The following DNAH7 variants were observed in gnomAD, a reference collection of about 807,000 sequenced individuals.
The protein encoded by DNAH7 is dynein axonemal heavy chain 7.
Under a neutral mutation model 444.6 loss-of-function variants are expected in DNAH7, and 397 were observed. The ratio of observed to expected loss-of-function variants is 0.89; its 90% CI spans 0.82 to 0.97. The LOEUF (loss-of-function observed/expected upper bound fraction) is 0.97. Among genes scored for constraint, DNAH7 ranks in the 50% least tolerant of loss-of-function variants. The pLI is 0.00. For synonymous variants in DNAH7, 1,636 were observed against 1,624.4 expected (o/e 1.01, Z -0.17); for missense variants, 4,902 against 4,800.8 (o/e 1.02, Z -0.62).
At chr2:195,968,441 C>T (rs1056632995) in intron 17 of DNAH7, among the ~76,000 whole-genome samples, 1 of 152,092 alleles carries the variant, frequency 6.6e-6, no homozygotes, top group African/African-American at 2.4e-5. Flanking sequence ...AAATGGGGGC[C>T]TCACAACCCT....
intron 17 of DNAH7, among the ~76,000 whole-genome samples, chr2:195,965,138 T>G (rs749589191): frequency 7.2e-5 from 11 of 152,168 alleles, no homozygotes; most frequent in Non-Finnish European, 1.2e-4. Context: ...TTGAGGTATG[T>G]TCCTTCAATA....
chr2:195,768,820 T>G (rs910342059), intron 61 of DNAH7, among the ~76,000 whole-genome samples: 1 of 152,196 alleles, frequency 6.6e-6, no homozygotes, highest in African/African-American at 2.4e-5. Flanking sequence ...TACAAATATA[T>G]AGGTTCAACA....
chr2:195,822,941 AT>A (rs1697541189), intron 49 of DNAH7, among the ~76,000 whole-genome samples: 1 of 152,184 alleles, frequency 6.6e-6, no homozygotes, highest in Non-Finnish European at 1.5e-5. Context: ...TATTGGCTTT[AT>A]TCTAAGCATC....
chr2:195,760,113 G>A (rs1694280409), intron 61 of DNAH7, among the ~76,000 whole-genome samples: 1 of 152,210 alleles, frequency 6.6e-6, no homozygotes. Flanking sequence ...ATCAGCAGTA[G>A]CCCGGCAGTA....
intron 46 of DNAH7, among the ~76,000 whole-genome samples, chr2:195,849,900 G>A (rs952313354): frequency 7.2e-5 from 11 of 152,212 alleles, no homozygotes; most frequent in African/African-American, 2.7e-4. Context: ...ACCTCACCCA[G>A]CACTACTGGC....
chr2:196,009,556 G>A (rs548346652), intron 10 of DNAH7, among the ~76,000 whole-genome samples: 1 of 152,274 alleles, frequency 6.6e-6, no homozygotes, highest in African/African-American at 2.4e-5. Flanking sequence ...TGAGATTCAG[G>A]TGCTGACGTG....
intron 8 of DNAH7, among the ~76,000 whole-genome samples, chr2:196,020,062 T>C (rs1181579295): frequency 1.3e-5 from 2 of 152,100 alleles, no homozygotes; most frequent in Non-Finnish European, 2.9e-5. Context: ...GATCCACTTC[T>C]ACTTTATGAA....
chr2:196,026,613 TA>T, intron 7 of DNAH7, 146 bp downstream of exon 7: 1 of 597,782 alleles, frequency 1.7e-6, no homozygotes, highest in Non-Finnish European at 2.8e-6. Context: ...GGAATTTGCC[TA>T]AGATCTTAAG....
Position 195,799,567 on chromosome 2 carries a change from C to T in DNAH7, c.10177-95G>A, listed in dbSNP as rs1379290035. 6 of 1,116,854 alleles carry T rather than the reference C, an allele frequency of 5.4e-6. No homozygotes were observed. The East Asian group carries it at 1.3e-4, about 25-fold the overall frequency. The allele number at this position is 1,116,854 out of a possible 1,614,324, so 69.2% of individuals were successfully genotyped here. On this transcript the variant is annotated intron_variant, in intron 54 of 64. Transcript: ENST00000312428. The stretch of plus-strand genomic sequence containing the variant: ...CAAAGGAGTTTTAAAACAAAATACC[C>T]TAGCTCTATTAGTTTAGGTATTCAT...
chr2:195,965,886 T>C (rs899649242), intron 17 of DNAH7, among the ~76,000 whole-genome samples: 2 of 152,098 alleles, frequency 1.3e-5, no homozygotes, highest in African/African-American at 4.8e-5. Context: ...TAAAGGTTTA[T>C]CAATTTTATT....
intron 2 of DNAH7, among the ~76,000 whole-genome samples, chr2:196,055,793 C>G (rs1344457219): frequency 6.6e-6 from 1 of 152,080 alleles, no homozygotes; most frequent in Non-Finnish European, 1.5e-5. Flanking sequence ...TACAAATATC[C>G]AAAACACCCT....
At chr2:195,938,363 C>T (rs1403676984) in intron 19 of DNAH7, among the ~76,000 whole-genome samples, 1 of 151,582 alleles carries the variant, frequency 6.6e-6, no homozygotes, top group Non-Finnish European at 1.5e-5. Context: ...CACACACACA[C>T]ACACACACAC....
chr2:196,029,924 C>T (rs1221918472), intron 5 of DNAH7, among the ~76,000 whole-genome samples: 1 of 151,818 alleles, frequency 6.6e-6, no homozygotes. Context: ...ATGAGCATCC[C>T]TTTTTTAAAT....
At chr2:195,816,046 T>C (rs1319254364) in intron 51 of DNAH7, among the ~76,000 whole-genome samples, 3 of 152,176 alleles carry the variant, frequency 2.0e-5, no homozygotes, top group Non-Finnish European at 2.9e-5. Context: ...GAAAATTATC[T>C]AACTGATTTT....
At chr2:196,007,128 A>G (rs1449106509) in intron 10 of DNAH7, among the ~76,000 whole-genome samples, 1 of 152,182 alleles carries the variant, frequency 6.6e-6, no homozygotes, top group Non-Finnish European at 1.5e-5. Context: ...GACTCAGAAC[A>G]ACAACAATTT....
chr2:195,863,027 A>C (rs896208401), intron 41 of DNAH7, among the ~76,000 whole-genome samples: 1 of 152,124 alleles, frequency 6.6e-6, no homozygotes, highest in Non-Finnish European at 1.5e-5. Flanking sequence ...CAAGAGTGAG[A>C]CTGCATCTCA....
At chr2:195,739,712 C>T (rs1692876561) in intron 64 of DNAH7, among the ~76,000 whole-genome samples, 1 of 152,164 alleles carries the variant, frequency 6.6e-6, no homozygotes, top group Non-Finnish European at 1.5e-5. Context: ...TTTGCCTACT[C>T]ACCAAAGTTT....
At chr2:195,904,945 C>G (rs1280731289) in intron 27 of DNAH7, 2 of 151,976 alleles carry the variant, frequency 1.3e-5, no homozygotes, top group Non-Finnish European at 2.9e-5. Context: ...CCATATATAC[C>G]TGAAAACAGA....
At chr2:196,053,032 A>G (rs1013890077) in intron 2 of DNAH7, among the ~76,000 whole-genome samples, 3 of 64,072 alleles carry the variant, frequency 4.7e-5, no homozygotes, top group African/African-American at 2.0e-4. Context: ...TACACATTCT[A>G]GAGGAGGTAC....
Sources: gnomAD v4.1 joint callset for allele counts (sites outside exome capture counted in the v4.1 genomes callset) on GRCh38, gnomAD v4.1.1 for gene constraint, MANE v1.5 for transcripts, NCBI Gene and HGNC (gene_info 2026-07-23, HGNC 2026-07-21) for gene names.